Variants in CCSER1 observed in about 807,000 individuals in gnomAD.
CCSER1 encodes serine-rich coiled-coil domain-containing protein 1.
Under a neutral mutation model 82.0 loss-of-function variants are expected in CCSER1, and 41 were observed. The ratio of observed to expected loss-of-function variants is 0.50; its 90% confidence interval spans 0.39 to 0.65. The LOEUF (loss-of-function observed/expected upper bound fraction) is 0.65, where lower values mean the gene tolerates loss of function less well. Among genes scored for constraint, CCSER1 ranks in the 30% least tolerant of loss-of-function variants. The pLI is 0.00. For synonymous variants in CCSER1, 414 were observed against 383.9 expected (o/e 1.08, Z -0.92); for missense variants, 1,119 against 1,064.2 (o/e 1.05, Z -0.72).
chr4:91,568,692 C>T (rs1560770219), intron 10 of CCSER1, among the ~76,000 whole-genome samples: 1 of 152,176 alleles, frequency 6.6e-6, no homozygotes, highest in Non-Finnish European at 1.5e-5. Context: ...TCAGCTCTGT[C>T]AGACCCATTA....
intron 9 of CCSER1, among the ~76,000 whole-genome samples, chr4:90,988,961 A>G (rs955311446): frequency 2.0e-5 from 3 of 151,786 alleles, no homozygotes; most frequent in Non-Finnish European, 4.4e-5. Flanking sequence ...AGCATCTCCA[A>G]GTTGGAAAAT....
chr4:90,318,122 G>A (rs552847533), intron 3 of CCSER1, among the ~76,000 whole-genome samples: 1 of 152,252 alleles, frequency 6.6e-6, no homozygotes, highest in East Asian at 1.9e-4. Flanking sequence ...GCTTCACACT[G>A]TCCTGGTCTT....
At chr4:91,129,449 T>C (rs1025810682) in intron 10 of CCSER1, among the ~76,000 whole-genome samples, 5 of 133,986 alleles carry the variant, frequency 3.7e-5, no homozygotes, top group African/African-American at 1.4e-4. Context: ...AGGTAAGATC[T>C]GAAATTTAGA....
chr4:91,469,478 C>T (rs1390369482), intron 10 of CCSER1, among the ~76,000 whole-genome samples: 1 of 152,176 alleles, frequency 6.6e-6, no homozygotes, highest in African/African-American at 2.4e-5. Context: ...TCTGTTTCCT[C>T]TCTTGGGGCA....
intron 5 of CCSER1, among the ~76,000 whole-genome samples, chr4:90,575,619 T>A (rs1055503981): frequency 3.9e-5 from 6 of 152,238 alleles, no homozygotes; most frequent in African/African-American, 1.4e-4. Context: ...GTACCGTCAA[T>A]GTTACACAAG....
chr4:90,494,122 T>C (rs7683758), intron 5 of CCSER1, among the ~76,000 whole-genome samples: 2,444 of 152,114 alleles, frequency 0.016, 38 homozygotes, highest in African/African-American at 0.047. Context: ...ATCCTAGTCT[T>C]GGATAAAACA....
In CCSER1 at chr4:90,875,295, C is replaced by G. The variant is rs1308506898; in HGVS notation, c.2095-48075C>G. 4.6e-5 allele frequency among the ~76,000 whole-genome samples: 7 copies of G among 152,204 alleles called. No individual in the cohort carries two copies. The South Asian group carries it at 1.4e-3, about 32-fold the overall frequency. On this transcript the variant is annotated intron_variant, in intron 8 of 10. Transcript: ENST00000509176. Reference sequence around the variant, plus strand: ...GCTATTAAATGCCTTCACTTTCATACAATGAGAAATTTGATAAACTGAGTT... The same window carrying G: ...GCTATTAAATGCCTTCACTTTCATAGAATGAGAAATTTGATAAACTGAGTT...
chr4:90,893,119 A>G (rs1723190026), intron 8 of CCSER1, among the ~76,000 whole-genome samples: 2 of 152,068 alleles, frequency 1.3e-5, no homozygotes, highest in Non-Finnish European at 2.9e-5. Context: ...AGGCCAGACC[A>G]TAGTCACTGT....
At chr4:90,505,655 C>T (rs1177953389) in intron 5 of CCSER1, among the ~76,000 whole-genome samples, 1 of 152,292 alleles carries the variant, frequency 6.6e-6, no homozygotes, top group South Asian at 2.1e-4. Context: ...GAGAGTTCAT[C>T]TTTCTTTCAG....
chr4:91,457,368 T>A (rs2149426397), intron 10 of CCSER1, among the ~76,000 whole-genome samples: 1 of 152,244 alleles, frequency 6.6e-6, no homozygotes, highest in Middle Eastern at 3.4e-3. Flanking sequence ...GAAGACATTT[T>A]CTTTAAAATT....
rs3042070 is a variant in CCSER1, at chr4:90,437,277, G to GCACA, written c.1604-30948_1604-30945dup. On this transcript the variant is annotated intron_variant, in intron 4 of 10. Transcript: ENST00000509176. ...TACGCACACATGCACACATGCGCGCGCACACACACACATATATATATACAC... is the reference window on the plus strand; with the variant it reads ...TACGCACACATGCACACATGCGCGCGCACACACACACACACATATATATATACAC... Among the ~76,000 whole-genome samples the GCACA allele has an allele frequency of 7.3e-5, 11 of 151,304 alleles. No homozygotes were observed. In the East Asian group the frequency reaches 7.8e-4, roughly 11 times the overall value.
At chr4:91,171,885 TTTA>T (rs569769070) in intron 10 of CCSER1, among the ~76,000 whole-genome samples, 63 of 152,262 alleles carry the variant, frequency 4.1e-4, no homozygotes, top group African/African-American at 1.4e-3. Flanking sequence ...AATATTGTTT[TTTA>T]TTATTTCAAT....
chr4:91,040,076 C>G (rs191966691), intron 9 of CCSER1, among the ~76,000 whole-genome samples: 2 of 152,220 alleles, frequency 1.3e-5, no homozygotes, highest in African/African-American at 4.8e-5. Flanking sequence ...GGGAGTAATA[C>G]AGATTTACAG....
At chr4:91,399,691 C>T (rs1388718705) in intron 10 of CCSER1, among the ~76,000 whole-genome samples, 1 of 151,902 alleles carries the variant, frequency 6.6e-6, no homozygotes, top group African/African-American at 2.4e-5. Context: ...CTCCAATTCT[C>T]TCTTCTTTTG....
intron 10 of CCSER1, among the ~76,000 whole-genome samples, chr4:91,113,873 T>C (rs893428610): frequency 6.6e-6 from 1 of 151,494 alleles, no homozygotes; most frequent in African/African-American, 2.4e-5. Flanking sequence ...TCTTTTTTGA[T>C]ACGGAGTCTC....
At chr4:90,628,258 T>C in intron 6 of CCSER1, 26 bp downstream of exon 6, 2 of 1,567,512 alleles carry the variant, frequency 1.3e-6, no homozygotes, top group Non-Finnish European at 8.8e-7. Context: ...AAGATTAATG[T>C]CCTTCAGTGC....
intron 1 of CCSER1, among the ~76,000 whole-genome samples, chr4:90,272,559 A>G (rs1726741236): frequency 6.6e-6 from 1 of 152,190 alleles, no homozygotes; most frequent in Non-Finnish European, 1.5e-5. Context: ...ACTGCTAGGT[A>G]TATTATTGAA....
At chr4:90,238,632 T>C (rs1746253127) in intron 1 of CCSER1, among the ~76,000 whole-genome samples, 1 of 152,094 alleles carries the variant, frequency 6.6e-6, no homozygotes, top group African/African-American at 2.4e-5. Context: ...CGTGGGTACC[T>C]ATCACTTCCT....
intron 10 of CCSER1, among the ~76,000 whole-genome samples, chr4:91,517,674 A>G (rs940111333): frequency 1.2e-4 from 4 of 32,230 alleles, no homozygotes; most frequent in Non-Finnish European, 2.7e-4. Context: ...TAGTGCATTC[A>G]TTTGGAAGAA....
Sources: gnomAD v4.1 joint callset for allele counts (sites outside exome capture counted in the v4.1 genomes callset) on GRCh38, gnomAD v4.1.1 for gene constraint, MANE v1.5 for transcripts, NCBI Gene and HGNC (gene_info 2026-07-23, HGNC 2026-07-21) for gene names.